Variants in PRKAR2A observed in about 807,000 individuals in gnomAD.
PRKAR2A encodes the protein cAMP-dependent protein kinase type II-alpha regulatory subunit.
Under a neutral mutation model 51.9 loss-of-function variants are expected in PRKAR2A, and 29 were observed. That is an observed-to-expected ratio of 0.56 (90% CI 0.42 to 0.76). The LOEUF (loss-of-function observed/expected upper bound fraction) is 0.76. Among genes scored for constraint, PRKAR2A ranks in the 30% least tolerant of loss-of-function variants. PRKAR2A has a pLI of 0.00. For missense variants in PRKAR2A, 445 were observed against 512.1 expected (o/e 0.87, Z 1.26); for synonymous variants, 178 against 186.2 (o/e 0.96, Z 0.36).
rs1321634182 is a variant in PRKAR2A, at chr3:48,828,238, G to C, written c.262+19097C>G. ...AGGTGTTCCTATGTTGCACAGGCTAGAGTGTAGCAGCTACAAACAGGCGTG... is the reference window on the plus strand; with the variant it reads ...AGGTGTTCCTATGTTGCACAGGCTACAGTGTAGCAGCTACAAACAGGCGTG... On this transcript the variant is annotated intron_variant, in intron 1 of 10. Transcript: ENST00000265563. 3.9e-5 allele frequency among the ~76,000 whole-genome samples: 6 copies of C among 152,076 alleles called. No homozygotes were observed. In the South Asian group the frequency reaches 8.3e-4, roughly 21 times the overall value.
intron 2 of PRKAR2A, among the ~76,000 whole-genome samples, chr3:48,806,248 T>C (rs920725568): frequency 3.3e-5 from 5 of 152,194 alleles, no homozygotes. Flanking sequence ...AAGCAATTCC[T>C]AGCCCTATAA....
chr3:48,771,394 G>C (rs1038982019), intron 6 of PRKAR2A, among the ~76,000 whole-genome samples: 3 of 152,208 alleles, frequency 2.0e-5, no homozygotes, highest in African/African-American at 7.2e-5. Flanking sequence ...TGTAGTCCCA[G>C]CTACTTGGGA....
chr3:48,790,652 A>C (rs1160879088), intron 3 of PRKAR2A, 25 bp from the exon 4 acceptor site: 1 of 1,350,182 alleles, frequency 7.4e-7, no homozygotes, highest in African/African-American at 1.5e-5. Flanking sequence ...AAAACCATGG[A>C]AACTGTTTTA....
At chr3:48,778,296 C>T (rs955695413) in intron 5 of PRKAR2A, among the ~76,000 whole-genome samples, 7 of 151,256 alleles carry the variant, frequency 4.6e-5, no homozygotes, top group Non-Finnish European at 8.9e-5. Flanking sequence ...CAGCTCTTTC[C>T]TATTTGTTTA....
At chr3:48,829,798 TATATATAC>T (rs1488107272) in intron 1 of PRKAR2A, among the ~76,000 whole-genome samples, 3 of 131,584 alleles carry the variant, frequency 2.3e-5, no homozygotes, top group African/African-American at 8.0e-5. Flanking sequence ...AATATATGCG[TATATATAC>T]ATATATATGT....
chr3:48,847,379 T>C lies in PRKAR2A; in HGVS notation c.218A>G (p.Asp73Gly). The C allele has an allele frequency of 6.2e-7, 1 of 1,613,124 alleles. No homozygotes were observed. Among genetic ancestry groups the C allele is most frequent in the Non-Finnish European group, 8.5e-7 (1 of 1,179,572 alleles). The change falls in exon 1 of 11, where the codon GAC becomes GGC. Residue 73 changes from aspartate to glycine, a missense_variant. Transcript: ENST00000265563. The surrounding 1 kb of genome is among the most constrained non-coding windows in gnomAD (Gnocchi z 4.4). The part of the protein sequence containing the change: ...PPEPGPDRVA[D>G]AKGDSESEED... ...CTCCGACTCGCTGTCCCCTTTGGCGTCGGCGACACGGTCCGGGCCGGGTTC... is the reference window on the plus strand; with the variant it reads ...CTCCGACTCGCTGTCCCCTTTGGCGCCGGCGACACGGTCCGGGCCGGGTTC...
chr3:48,819,212 C>A (rs2082921858), intron 1 of PRKAR2A, among the ~76,000 whole-genome samples: 1 of 152,182 alleles, frequency 6.6e-6, no homozygotes, highest in African/African-American at 2.4e-5. Context: ...GACAGGATTT[C>A]ACCATGTTGG....
At chr3:48,757,882 C>CCCA (rs1320554955) in intron 8 of PRKAR2A, among the ~76,000 whole-genome samples, 1 of 146,856 alleles carries the variant, frequency 6.8e-6, no homozygotes, top group Non-Finnish European at 1.5e-5. Flanking sequence ...ATGGTGAAGC[C>CCCA]CCATCTCTAC....
intron 8 of PRKAR2A, among the ~76,000 whole-genome samples, chr3:48,756,922 T>C (rs1329530697): frequency 1.3e-5 from 2 of 152,178 alleles, no homozygotes; most frequent in African/African-American, 4.8e-5. Context: ...TGTTTCTGAG[T>C]TAATCTAGTC....
intron 1 of PRKAR2A, among the ~76,000 whole-genome samples, chr3:48,835,210 A>T (rs996078371): frequency 1.3e-5 from 2 of 151,192 alleles, no homozygotes; most frequent in African/African-American, 4.9e-5. Flanking sequence ...ATCTCAAGTG[A>T]TCTGCCTGCC....
chr3:48,810,929 C>A (rs920459382), intron 1 of PRKAR2A, among the ~76,000 whole-genome samples: 1 of 152,060 alleles, frequency 6.6e-6, no homozygotes, highest in South Asian at 2.1e-4. Context: ...ATAATCTCAG[C>A]ATTTTGGGAG....
chr3:48,846,379 G>C (rs1270748379), intron 1 of PRKAR2A, among the ~76,000 whole-genome samples: 1 of 152,000 alleles, frequency 6.6e-6, no homozygotes, highest in African/African-American at 2.4e-5. Flanking sequence ...ACCACGCCCG[G>C]CTAATTTTTG....
intron 1 of PRKAR2A, among the ~76,000 whole-genome samples, chr3:48,811,124 C>T (rs1020569420): frequency 6.6e-6 from 1 of 151,656 alleles, no homozygotes; most frequent in Non-Finnish European, 1.5e-5. Flanking sequence ...CTGTGATGAA[C>T]CATGATTGTA....
chr3:48,758,469 G>C (rs2081808838), intron 8 of PRKAR2A, among the ~76,000 whole-genome samples: 1 of 150,780 alleles, frequency 6.6e-6, no homozygotes, highest in South Asian at 2.1e-4. Flanking sequence ...TGTAATCCCA[G>C]CTACTCAGGA....
At chr3:48,752,359 C>A in intron 9 of PRKAR2A, 42 bp from the exon 10 acceptor site, 1 of 1,595,142 alleles carries the variant, frequency 6.3e-7, no homozygotes, top group Non-Finnish European at 8.5e-7. Flanking sequence ...ACTCCAGGAT[C>A]ACAGCTGGGC....
chr3:48,819,364 T>C (rs1453950832), intron 1 of PRKAR2A, among the ~76,000 whole-genome samples: 1 of 152,156 alleles, frequency 6.6e-6, no homozygotes, highest in Admixed American at 6.6e-5. Context: ...TACGTGCAAG[T>C]ATTATGCCAA....
intron 1 of PRKAR2A, among the ~76,000 whole-genome samples, chr3:48,843,154 G>A (rs758400415): frequency 1.4e-4 from 22 of 152,138 alleles, no homozygotes; most frequent in African/African-American, 3.6e-4. Context: ...AGAGTGTGTC[G>A]AGGAATTTAT....
chr3:48,762,074 G>A (rs1229841050), intron 8 of PRKAR2A, among the ~76,000 whole-genome samples: 1 of 152,166 alleles, frequency 6.6e-6, no homozygotes, highest in South Asian at 2.1e-4. Flanking sequence ...AAGAAAAGAT[G>A]ATAAACTGGA....
At chr3:48,769,856 C>T (rs951066100) in intron 6 of PRKAR2A, among the ~76,000 whole-genome samples, 1 of 152,108 alleles carries the variant, frequency 6.6e-6, no homozygotes, top group African/African-American at 2.4e-5. Flanking sequence ...CAGCTCACTG[C>T]AGCCTTGACC....
Sources: gnomAD v4.1 joint callset for allele counts (sites outside exome capture counted in the v4.1 genomes callset) on GRCh38, gnomAD v4.1.1 for gene constraint, Gnocchi (gnomAD v3.1) non-coding constraint, MANE v1.5 for transcripts, NCBI Gene and HGNC (gene_info 2026-07-23, HGNC 2026-07-21) for gene names.